Variants in NRXN3 observed in about 807,000 individuals in gnomAD.
The protein encoded by NRXN3 is neurexin III.
Under a neutral mutation model 137.6 loss-of-function variants are expected in NRXN3, and 32 were observed. The ratio of observed to expected loss-of-function variants is 0.23; its 90% CI spans 0.18 to 0.31. NRXN3 has a LOEUF of 0.31. Among genes scored for constraint, NRXN3 ranks in the 10% least tolerant of loss-of-function variants. The pLI is 1.00. For synonymous variants in NRXN3, 798 were observed against 784.5 expected (o/e 1.02, Z -0.29); for missense variants, 1,574 against 2,062.5 (o/e 0.76, Z 4.59).
chr14:78,684,723 G>T (rs1381423129), intron 6 of NRXN3, among the ~76,000 whole-genome samples: 1 of 152,170 alleles, frequency 6.6e-6, no homozygotes, highest in Non-Finnish European at 1.5e-5. Context: ...GAGCCCACAA[G>T]TTCGAGGCTG....
rs192013899 is a variant in NRXN3, at chr14:78,915,445, A to G, written c.2276-41797A>G. Among the ~76,000 whole-genome samples, 310 of 151,480 alleles carry G rather than the reference A, an allele frequency of 2.0e-3. 2 individuals carry two copies. Among genetic ancestry groups the G allele is most frequent in the Non-Finnish European group, 2.3e-3 (157 of 67,852 alleles). On this transcript the variant is annotated intron_variant, in intron 10 of 20. Transcript: ENST00000335750. ...AGTTTAGAGAAGTCAAAGAAATAGT[A>G]TTCAATTTTCTGTTTAGTACCATTT...
chr14:79,329,185 C>T (rs1246025369), intron 15 of NRXN3, among the ~76,000 whole-genome samples: 1 of 152,172 alleles, frequency 6.6e-6, no homozygotes, highest in East Asian at 1.9e-4. Flanking sequence ...CTTTGAGTCT[C>T]ATTGAGTGTG....
chr14:78,751,139 A>T (rs2098639682), intron 8 of NRXN3, among the ~76,000 whole-genome samples: 1 of 152,006 alleles, frequency 6.6e-6, no homozygotes, highest in Non-Finnish European at 1.5e-5. Context: ...TCCCCCCACT[A>T]TATTCTTTAC....
chr14:79,032,695 C>G (rs138529015), intron 15 of NRXN3, among the ~76,000 whole-genome samples: 1 of 152,278 alleles, frequency 6.6e-6, no homozygotes, highest in East Asian at 1.9e-4. Flanking sequence ...GTTAGTTCTT[C>G]TAGCAATACA....
intron 15 of NRXN3, among the ~76,000 whole-genome samples, chr14:79,123,132 CT>C (rs1264149700): frequency 6.6e-6 from 1 of 152,064 alleles, no homozygotes; most frequent in Non-Finnish European, 1.5e-5. Context: ...GGGTAGACTC[CT>C]CATGGAAAAA....
intron 15 of NRXN3, among the ~76,000 whole-genome samples, chr14:79,283,023 C>T (rs1396752572): frequency 6.6e-6 from 1 of 152,220 alleles, no homozygotes; most frequent in Non-Finnish European, 1.5e-5. Flanking sequence ...CCCCACAGAG[C>T]TTTGCTAATG....
intron 17 of NRXN3, among the ~76,000 whole-genome samples, chr14:79,684,664 C>T (rs2098687677): frequency 6.6e-6 from 1 of 152,110 alleles, no homozygotes; most frequent in Admixed American, 6.5e-5. Flanking sequence ...TCCTCCCTGT[C>T]CTCTGAGCTG....
intron 4 of NRXN3, among the ~76,000 whole-genome samples, chr14:78,442,098 AAAG>A (rs2094273749): frequency 2.0e-5 from 1 of 50,322 alleles, no homozygotes; most frequent in African/African-American, 5.4e-5. Flanking sequence ...TCTGTCTCAA[AAAG>A]AAAAAAAAAA....
At chr14:79,669,648 T>C (rs906541175) in intron 17 of NRXN3, among the ~76,000 whole-genome samples, 2 of 152,076 alleles carry the variant, frequency 1.3e-5, no homozygotes, top group East Asian at 1.9e-4. Context: ...GAGAATCCCC[T>C]GGGAAGTTTA....
intron 15 of NRXN3, among the ~76,000 whole-genome samples, chr14:79,297,390 TA>T (rs2084365399): frequency 2.0e-5 from 3 of 152,178 alleles, no homozygotes; most frequent in African/African-American, 7.2e-5. Context: ...ATATTTGGAA[TA>T]TACTTATAAT....
intron 15 of NRXN3, among the ~76,000 whole-genome samples, chr14:79,414,218 A>G (rs1280113518): frequency 1.3e-5 from 2 of 152,132 alleles, no homozygotes; most frequent in Non-Finnish European, 2.9e-5. Flanking sequence ...GAATAGGACC[A>G]TATGTTAGGC....
chr14:79,510,640 A>AG (rs2096923701), intron 16 of NRXN3, among the ~76,000 whole-genome samples: 1 of 152,158 alleles, frequency 6.6e-6, no homozygotes, highest in African/African-American at 2.4e-5. Flanking sequence ...AGAACTACCC[A>AG]GGAGGGTAGA....
chr14:79,270,257 A>C (rs2079096912), intron 15 of NRXN3, among the ~76,000 whole-genome samples: 1 of 152,176 alleles, frequency 6.6e-6, no homozygotes, highest in Non-Finnish European at 1.5e-5. Context: ...CAAATGTTGG[A>C]AAGTGATTCC....
chr14:79,827,358 A>C (rs75418477), intron 20 of NRXN3, among the ~76,000 whole-genome samples: 1 of 152,186 alleles, frequency 6.6e-6, no homozygotes, highest in Non-Finnish European at 1.5e-5. Context: ...AAAATGCATT[A>C]GAGCTTGCAA....
intron 15 of NRXN3, among the ~76,000 whole-genome samples, chr14:79,375,630 G>C (rs761263577): frequency 6.6e-6 from 1 of 151,988 alleles, no homozygotes; most frequent in African/African-American, 2.4e-5. Flanking sequence ...CCGATGACTG[G>C]CTTGCCCTGG....
chr14:78,953,896 G>A (rs566495107), intron 10 of NRXN3, among the ~76,000 whole-genome samples: 7 of 152,240 alleles, frequency 4.6e-5, no homozygotes, highest in African/African-American at 9.6e-5. Flanking sequence ...GTTTTGAGAC[G>A]TTTCTTAAGT....
chr14:78,988,785 G>GTATA (rs370138498), intron 15 of NRXN3, among the ~76,000 whole-genome samples: 3 of 151,644 alleles, frequency 2.0e-5, no homozygotes, highest in African/African-American at 4.8e-5. Context: ...GTGTGTGTGT[G>GTATA]TATATATATG....
At chr14:79,720,283 A>C (rs966203879) in intron 19 of NRXN3, among the ~76,000 whole-genome samples, 1 of 152,094 alleles carries the variant, frequency 6.6e-6, no homozygotes, top group African/African-American at 2.4e-5. Flanking sequence ...TATGGGGGAA[A>C]CTGTCCCCAT....
chr14:79,288,810 T>A (rs1450460320), intron 15 of NRXN3, among the ~76,000 whole-genome samples: 3 of 152,228 alleles, frequency 2.0e-5, no homozygotes, highest in African/African-American at 7.2e-5. Flanking sequence ...AGTATTTGAA[T>A]GTTTTCCAAT....
Sources: allele counts gnomAD v4.1 joint callset (sites outside exome capture counted in the v4.1 genomes callset), GRCh38; gene constraint gnomAD v4.1.1; transcripts MANE v1.5; gene names NCBI Gene and HGNC (gene_info 2026-07-23, HGNC 2026-07-21).